Variants in ARHGAP45 observed in about 807,000 individuals in gnomAD.
ARHGAP45 encodes the protein Rho GTPase activating protein 45.
In ARHGAP45, 56 loss-of-function variants were observed where a neutral mutation model predicts 116.1. The ratio of observed to expected loss-of-function variants is 0.48; its 90% CI spans 0.39 to 0.60. ARHGAP45 has a LOEUF of 0.60. Among genes scored for constraint, ARHGAP45 ranks in the 20% least tolerant of loss-of-function variants. The pLI, the probability that ARHGAP45 is intolerant of heterozygous loss-of-function variation, is 0.00. For missense variants in ARHGAP45, 1,622 were observed against 1,601.0 expected (o/e 1.01, Z -0.22); for synonymous variants, 866 against 701.7 (o/e 1.23, Z -3.70).
In ARHGAP45 at chr19:1,085,697, A is replaced by G. The variant is rs1259100775; in HGVS notation, c.3102A>G (p.Leu1034=). 1 of 1,597,952 alleles carries G rather than the reference A, an allele frequency of 6.3e-7. No homozygotes were observed. The highest frequency in any genetic ancestry group is 2.2e-5 in the East Asian group (1 of 44,468). The change falls in exon 23 of 23, where the codon CTA becomes CTG. Residue 1034 remains leucine, a synonymous_variant. Coordinates refer to ENST00000313093, the MANE Select transcript of ARHGAP45 (RefSeq NM_012292.5). ...TGTCCAACGATTCGGACTCGGACCT[A>G]GAGGAGGCCTCCGAGCTGCTGTCCT... ...RVVSNDSDSD[L]EEASELLSSS...
At position 1,069,416 on chromosome 19, in the gene ARHGAP45, C is replaced by T. The variant is rs2043097967; in HGVS notation, c.421+672C>T. On this transcript the variant is annotated intron_variant, in intron 2 of 22. Coordinates refer to ENST00000313093, the MANE Select transcript of ARHGAP45 (RefSeq NM_012292.5). The surrounding 1 kb of genome is among the most constrained non-coding windows in gnomAD (Gnocchi z 4.1). ...CGGGCACCTCATGTGCTGCCTTCAG[C>T]CCCCGGCTCCTCCCAGAAACCACAG... Among the ~76,000 whole-genome samples, 1 of 152,238 alleles carries T rather than the reference C, an allele frequency of 6.6e-6. No homozygotes were observed.
chr19:1,073,474 C>T, intron 3 of ARHGAP45, 32 bp from the exon 4 acceptor site: 2 of 1,602,484 alleles, frequency 1.2e-6, no homozygotes, highest in South Asian at 2.2e-5. Flanking sequence ...CCAGAGTGGG[C>T]CCACCTCCTT....
intron 22 of ARHGAP45, 41 bp from the exon 23 acceptor site, chr19:1,085,619 C>G: frequency 7.0e-7 from 1 of 1,436,776 alleles, no homozygotes; most frequent in South Asian, 1.4e-5. Context: ...TCCTCCATCT[C>G]TCCTGTCTGT....
chr19:1,066,677 G>C (rs1251961318), upstream of ARHGAP45: 2 of 157,466 alleles, frequency 1.3e-5, no homozygotes, highest in African/African-American at 4.8e-5. Flanking sequence ...GGACGTCTTT[G>C]CCCCCAGGGT....
chr19:1,074,313 C>T (rs766167132), intron 7 of ARHGAP45, 30 bp from the exon 8 acceptor site: 22 of 1,611,934 alleles, frequency 1.4e-5, no homozygotes, highest in Non-Finnish European at 1.9e-5. Context: ...GGCCTTGTCC[C>T]AGCACCTCAC....
intron 2 of ARHGAP45, 136 bp from the exon 3 acceptor site, chr19:1,073,013 C>A: frequency 9.4e-7 from 1 of 1,064,076 alleles, no homozygotes; most frequent in South Asian, 1.5e-5. Flanking sequence ...TCGAAATGAG[C>A]CCCAGGCATC....
intron 10 of ARHGAP45, among the ~76,000 whole-genome samples, chr19:1,075,800 TACTC>T (rs2043235050): frequency 1.3e-5 from 2 of 152,290 alleles, no homozygotes; most frequent in East Asian, 3.9e-4. Flanking sequence ...ATTTTTTGTA[TACTC>T]ACTATGTTGC....
At chr19:1,067,688 GAGTGGTGGCCGC>G (rs1352311133) in intron 1 of ARHGAP45, 193 bp downstream of exon 1, 1 of 712,838 alleles carries the variant, frequency 1.4e-6, no homozygotes, top group South Asian at 1.5e-5. Context: ...GGGACCCTGG[GAGTGGTGGCCGC>G]CTCCCTCCAC....
chr19:1,078,138 T>G (rs938334251), intron 11 of ARHGAP45, 93 bp downstream of exon 11: 1 of 578,582 alleles, frequency 1.7e-6, no homozygotes, highest in Non-Finnish European at 2.2e-6. Flanking sequence ...TTGTTTTTGT[T>G]TTTTTGTTTT....
At position 1,080,497 on chromosome 19, in the gene ARHGAP45, C is replaced by T. The variant is rs781243037; in HGVS notation, c.1862C>T (p.Pro621Leu). The T allele has an allele frequency of 1.2e-6, 2 of 1,612,832 alleles. No homozygotes were observed. Among genetic ancestry groups the T allele is most frequent in the African/African-American group, 1.3e-5 (1 of 74,940 alleles). Residue 621 changes from proline (P) to leucine (L), a missense_variant, in exon 15 of 23, where the codon CCG becomes CTG. Physicochemically the swap from Pro to Leu is moderately conservative, Grantham distance 98 (BLOSUM62 -3). Transcript: ENST00000313093. ...GGACACCAGGTTCACAAGTCATGGCCGCTCTCGATCTCAGACTCGGACAGT... is the reference window on the plus strand; with the variant it reads ...GGACACCAGGTTCACAAGTCATGGCTGCTCTCGATCTCAGACTCGGACAGT... The part of the protein sequence containing the change: ...GRGHQVHKSW[P>L]LSISDSDSGL...
rs543967952 is a variant in ARHGAP45 at position 1,080,405 on chromosome 19, C to T, written c.1828+26C>T. 1.5e-5 allele frequency: 24 copies of T among 1,608,742 alleles called. No individual in the cohort carries two copies. In the African/African-American group the frequency reaches 2.7e-4, roughly 18 times the overall value. On this transcript the variant is annotated intron_variant, in intron 14 of 22. Transcript: ENST00000313093. The stretch of plus-strand genomic sequence containing the variant: ...GTGAGTGTCCGGCGGGGCCCAGGGG[C>T]GGACGCTGGCTCCCTGCGACCCACC...
rs1399453012 is a variant in ARHGAP45, at chr19:1,081,075, C to T, written c.2190+11C>T. ...GCTGAGTGTGAAGAGGTGAGTGGGA[C>T]GCCCCGACGGACAGCTGGGAGCCTT... is the stretch of plus-strand genomic sequence containing the variant. On this transcript the variant is annotated intron_variant, in intron 17 of 22. Transcript: ENST00000313093. 7 of 1,593,130 alleles carry T rather than the reference C, an allele frequency of 4.4e-6. No homozygotes were observed. The highest frequency in any genetic ancestry group is 1.7e-5 in the Admixed American group (1 of 57,654).
upstream of ARHGAP45, chr19:1,066,093 GAGCCAGACTTGGAGCA>G: frequency 2.6e-6 from 4 of 1,535,730 alleles, no homozygotes; most frequent in Non-Finnish European, 3.5e-6. Flanking sequence ...TGGGCCTGGA[GAGCCAGACTTGGAGCA>G]AGGGGCTGTG....
rs2043585848 is a variant in ARHGAP45, at chr19:1,085,499, C to T, written c.3065-161C>T. ...GTCTCTCCATCTGTCTGTCCCTCCC[C>T]TTGTCTCTCCTCCATCTCTCCTGTC... On this transcript the variant is annotated intron_variant, in intron 22 of 22. Transcript: ENST00000313093. Among the ~76,000 whole-genome samples, 3 of 148,192 alleles carry T rather than the reference C, an allele frequency of 2.0e-5. 1 individual carries two copies. In the South Asian group the frequency reaches 6.3e-4, roughly 31 times the overall value.
intron 8 of ARHGAP45, 31 bp from the exon 9 acceptor site, chr19:1,074,573 TCCATCCCTCC>T (rs2043201373): frequency 2.0e-6 from 3 of 1,495,428 alleles, no homozygotes; most frequent in Non-Finnish European, 2.7e-6. Flanking sequence ...CCGCCCTGCC[TCCATCCCTCC>T]CCACCCAGTG....
chr19:1,086,568 C>T lies in ARHGAP45; in HGVS notation c.*562C>T, dbSNP rs1568496833. 1.3e-5 allele frequency: 2 copies of T among 152,466 alleles called. No individual in the cohort carries two copies. Among genetic ancestry groups the T allele is most frequent in the Non-Finnish European group, 2.9e-5 (2 of 68,116 alleles). 9.4% of individuals were successfully genotyped at this position (152,466 alleles called of 1,614,324 possible). A position where few individuals can be genotyped will look rare whatever the true frequency, so the allele number is the denominator to read the frequency against. On this transcript the variant is annotated 3_prime_UTR_variant, in exon 23 of 23. Coordinates refer to ENST00000313093, the MANE Select transcript of ARHGAP45 (RefSeq NM_012292.5). ...GGTACACAGTGGGGTCTCTCGGAAG[C>T]CACCGTGTGGTTCTTTCACAGGCAC...
In ARHGAP45 at chr19:1,073,118, C is replaced by T. The variant is rs752366471; in HGVS notation, c.422-31C>T. The T allele has an allele frequency of 1.3e-5, 20 of 1,589,060 alleles. No individual in the cohort carries two copies. The African/African-American group carries it at 2.4e-4, about 19-fold the overall frequency. On this transcript the variant is annotated intron_variant, in intron 2 of 22. Coordinates refer to ENST00000313093, the MANE Select transcript of ARHGAP45 (RefSeq NM_012292.5). ...AGACTTTCCCTGGGACTGGGCCCTA[C>T]CCCACTGCTCACTCCGACTCTCCCC... is the stretch of plus-strand genomic sequence containing the variant.
intron 13 of ARHGAP45, 51 bp downstream of exon 13, chr19:1,080,169 G>A (rs1453993695): frequency 6.2e-7 from 1 of 1,610,422 alleles, no homozygotes; most frequent in Admixed American, 1.7e-5. Flanking sequence ...CTGCCTGGGA[G>A]CCGGGCTTCC....
intron 2 of ARHGAP45, among the ~76,000 whole-genome samples, chr19:1,070,598 C>T (rs1182722745): frequency 1.3e-5 from 2 of 151,538 alleles, no homozygotes; most frequent in African/African-American, 4.9e-5. Context: ...CCACCCACCT[C>T]GGCCTCCCAA....
Sources: gnomAD v4.1 joint callset for allele counts (sites outside exome capture counted in the v4.1 genomes callset) on GRCh38, gnomAD v4.1.1 for gene constraint, Gnocchi (gnomAD v3.1) non-coding constraint, MANE v1.5 for transcripts, NCBI Gene and HGNC (gene_info 2026-07-23, HGNC 2026-07-21) for gene names.